DTNB: variants seen among roughly 807,000 people sequenced by gnomAD.
DTNB encodes DTN-B.
A neutral mutation model predicts 90.7 loss-of-function variants in DTNB; 63 were observed. The observed-to-expected ratio is 0.69, with a 90% CI of 0.57 to 0.86. The LOEUF (loss-of-function observed/expected upper bound fraction) is 0.86, where lower values mean the gene tolerates loss of function less well. Ranked by LOEUF, DTNB falls within the 40% of genes least tolerant of loss-of-function variation. The pLI, the probability that DTNB is intolerant of heterozygous loss-of-function variation, is 0.00. For missense variants in DTNB, 744 were observed against 807.1 expected, an observed-to-expected ratio of 0.92 and a Z score of 0.95; for synonymous variants, 277 against 286.7, an observed-to-expected ratio of 0.97 and a Z score of 0.34.
chr2:25,532,129 C>T (rs376063137), intron 8 of DTNB, among the ~76,000 whole-genome samples: 5 of 151,592 alleles, frequency 3.3e-5, no homozygotes, highest in Non-Finnish European at 5.9e-5. Flanking sequence ...GCCTGTAATC[C>T]GTGCTACATG....
intron 3 of DTNB, among the ~76,000 whole-genome samples, chr2:25,634,139 C>T (rs2076503204): frequency 6.6e-6 from 1 of 150,514 alleles, no homozygotes. Flanking sequence ...CGGCCAGCCG[C>T]CCCATCCGGG....
chr2:25,620,551 A>G (rs750998712), intron 4 of DTNB, among the ~76,000 whole-genome samples: 5 of 152,230 alleles, frequency 3.3e-5, no homozygotes, highest in Non-Finnish European at 7.3e-5. Flanking sequence ...AATTTTCTGA[A>G]AGATTAGTTA....
chr2:25,442,909 G>A (rs1202485646), intron 12 of DTNB, among the ~76,000 whole-genome samples: 1 of 152,250 alleles, frequency 6.6e-6, no homozygotes, highest in South Asian at 2.1e-4. Context: ...AAAATATCCA[G>A]CACAGGGTTA....
intron 2 of DTNB, among the ~76,000 whole-genome samples, chr2:25,639,602 C>CAA (rs766963314): frequency 1.2e-3 from 128 of 106,768 alleles, no homozygotes; most frequent in African/African-American, 4.0e-3. Context: ...CTGTATTTTC[C>CAA]AAAAAAAAAA....
chr2:25,469,733 C>T (rs916663165), intron 10 of DTNB, among the ~76,000 whole-genome samples: 16 of 152,136 alleles, frequency 1.1e-4, no homozygotes, highest in African/African-American at 2.7e-4. Context: ...TGAGCCACTG[C>T]GCCCAGTCCC....
intron 10 of DTNB, 55 bp from the exon 11 acceptor site, chr2:25,455,549 G>C (rs1322088748): frequency 7.0e-7 from 1 of 1,425,722 alleles, no homozygotes; most frequent in African/African-American, 1.4e-5. Flanking sequence ...TACAGAGGGA[G>C]AAATGAACAT....
chr2:25,412,451 T>A (rs2046845705), intron 16 of DTNB, among the ~76,000 whole-genome samples: 2 of 152,208 alleles, frequency 1.3e-5, no homozygotes, highest in African/African-American at 4.8e-5. Flanking sequence ...AGGTATATTA[T>A]CCTTTGGCCC....
At chr2:25,546,305 GC>G (rs1354598222) in intron 8 of DTNB, among the ~76,000 whole-genome samples, 1 of 152,166 alleles carries the variant, frequency 6.6e-6, no homozygotes, top group Non-Finnish European at 1.5e-5. Flanking sequence ...TTCATTTTGT[GC>G]CAAAGGCTGC....
chr2:25,465,646 T>C (rs1209227224), intron 10 of DTNB, among the ~76,000 whole-genome samples: 2 of 152,136 alleles, frequency 1.3e-5, no homozygotes, highest in African/African-American at 4.8e-5. Context: ...CTTCCCACCA[T>C]GGGACCTTTA....
intron 18 of DTNB, among the ~76,000 whole-genome samples, chr2:25,386,266 AC>A (rs2039447279): frequency 1.3e-5 from 2 of 152,162 alleles, no homozygotes; most frequent in South Asian, 4.1e-4. Flanking sequence ...TCCCATGACA[AC>A]CCTAAACATG....
At chr2:25,429,338 G>T (rs758680506) in intron 14 of DTNB, among the ~76,000 whole-genome samples, 2 of 151,892 alleles carry the variant, frequency 1.3e-5, no homozygotes, top group African/African-American at 4.8e-5. Flanking sequence ...CATTTCTATC[G>T]GCGAGTGCGG....
At chr2:25,583,507 GTGTTTTTTTTTTGTTGTTGT>G (rs2061873415) in intron 6 of DTNB, among the ~76,000 whole-genome samples, 1 of 150,974 alleles carries the variant, frequency 6.6e-6, no homozygotes, top group Admixed American at 6.6e-5. Flanking sequence ...TGGAGTTTTT[GTGTTTTTTTTTTGTTGTTGT>G]TGTTTTTTGA....
At chr2:25,539,157 C>G (rs1205035676) in intron 8 of DTNB, among the ~76,000 whole-genome samples, 1 of 152,160 alleles carries the variant, frequency 6.6e-6, no homozygotes, top group Admixed American at 6.5e-5. Flanking sequence ...CCACTGCTGA[C>G]AAACATTTGG....
At chr2:25,427,658 TA>T in intron 14 of DTNB, 27 bp from the exon 15 acceptor site, 1 of 1,606,512 alleles carries the variant, frequency 6.2e-7, no homozygotes, top group South Asian at 1.1e-5. Flanking sequence ...GCCTATCAGA[TA>T]AAGAGACCCT....
chr2:25,589,895 T>C (rs976514469), intron 6 of DTNB, among the ~76,000 whole-genome samples: 1 of 152,182 alleles, frequency 6.6e-6, no homozygotes, highest in Non-Finnish European at 1.5e-5. Context: ...CTGGATCCCA[T>C]GCCTACCAAG....
chr2:25,385,739 T>G (rs941230425), intron 18 of DTNB, among the ~76,000 whole-genome samples: 4 of 152,234 alleles, frequency 2.6e-5, no homozygotes, highest in African/African-American at 9.6e-5. Flanking sequence ...ATAATTTTGT[T>G]GAAACCATCC....
intron 1 of DTNB, among the ~76,000 whole-genome samples, chr2:25,664,287 G>A (rs560011110): frequency 2.6e-5 from 4 of 152,216 alleles, no homozygotes; most frequent in South Asian, 2.1e-4. Context: ...GGCTGTTCAC[G>A]TGTATTTGTA....
intron 4 of DTNB, among the ~76,000 whole-genome samples, chr2:25,627,713 G>A (rs976751083): frequency 6.6e-6 from 1 of 151,574 alleles, no homozygotes; most frequent in African/African-American, 2.4e-5. Context: ...AGTTTCTAGA[G>A]GGGCTTACAC....
chr2:25,566,274 C>T (rs928196480), intron 8 of DTNB, among the ~76,000 whole-genome samples: 2 of 152,116 alleles, frequency 1.3e-5, no homozygotes, highest in African/African-American at 2.4e-5. Flanking sequence ...ATGGGGACCT[C>T]AGCACCACAG....
Sources: allele counts gnomAD v4.1 joint callset (sites outside exome capture counted in the v4.1 genomes callset), GRCh38; gene constraint gnomAD v4.1.1; transcripts MANE v1.5; gene names NCBI Gene and HGNC (gene_info 2026-07-23, HGNC 2026-07-21).